PTPRG: variants seen among roughly 807,000 people sequenced by gnomAD.
PTPRG encodes the protein protein tyrosine phosphatase receptor type G.
Under a neutral mutation model 165.3 loss-of-function variants are expected in PTPRG, and 102 were observed. The ratio of observed to expected loss-of-function variants is 0.62; its 90% CI spans 0.53 to 0.73. The LOEUF (loss-of-function observed/expected upper bound fraction) is 0.73, where lower values mean the gene tolerates loss of function less well. Among genes scored for constraint, PTPRG ranks in the 30% least tolerant of loss-of-function variants. PTPRG has a pLI of 0.00. For missense variants in PTPRG, 1,866 were observed against 1,861.4 expected (o/e 1.00, Z -0.05); for synonymous variants, 675 against 669.5 (o/e 1.01, Z -0.13).
chr3:61,763,194 A>G (rs1319002862), intron 2 of PTPRG, among the ~76,000 whole-genome samples: 1 of 151,974 alleles, frequency 6.6e-6, no homozygotes, highest in African/African-American at 2.4e-5. Context: ...TCCTGGAAAT[A>G]TAGCCCGTGT....
chr3:61,562,336 A>G lies in PTPRG; in HGVS notation c.49A>G (p.Thr17Ala), dbSNP rs140017853. The change falls in exon 1 of 30, where the codon ACC (threonine) becomes GCC (alanine). Residue 17 changes from threonine to alanine, a missense_variant. Thr to Ala is a moderately conservative substitution (Grantham distance 58). Around this residue, in one of 3 missense-constraint regions of PTPRG, gnomAD observed 408 missense variants for 376.2 expected, o/e 1.08. Coordinates refer to ENST00000474889, the MANE Select transcript of PTPRG (RefSeq NM_002841.4). ...TTGGTGGATTTTGTTCCTGAAAATC[A>G]CCAGTTCCGTGCTCCATTATGTCGT... ...PCWWILFLKI[T>A]SSVLHYVVCF... 31 of 1,613,552 alleles carry G rather than the reference A, an allele frequency of 1.9e-5. No individual in the cohort carries two copies. The African/African-American group carries it at 3.3e-4, about 17-fold the overall frequency.
chr3:62,249,811 A>G (rs79678266), intron 15 of PTPRG, among the ~76,000 whole-genome samples: 2 of 152,222 alleles, frequency 1.3e-5, no homozygotes, highest in South Asian at 4.1e-4. Flanking sequence ...TATCATTTCA[A>G]TCCTTTTTGC....
chr3:61,956,740 A>G (rs748091666), intron 2 of PTPRG, among the ~76,000 whole-genome samples: 7 of 152,224 alleles, frequency 4.6e-5, no homozygotes, highest in South Asian at 2.1e-4. Context: ...CCTGCTGGCA[A>G]TGATCAAGTA....
At chr3:61,639,160 A>G (rs941029576) in intron 1 of PTPRG, among the ~76,000 whole-genome samples, 7 of 152,196 alleles carry the variant, frequency 4.6e-5, no homozygotes, top group African/African-American at 1.7e-4. Context: ...TTAATTGAAT[A>G]GATAATCCTT....
chr3:61,941,530 G>T (rs1255995116), intron 2 of PTPRG, among the ~76,000 whole-genome samples: 1 of 152,204 alleles, frequency 6.6e-6, no homozygotes, highest in East Asian at 1.9e-4. Context: ...GGCTGAGGCA[G>T]GGGAATCTCT....
At chr3:61,584,426 G>C (rs1260870807) in intron 1 of PTPRG, among the ~76,000 whole-genome samples, 1 of 152,044 alleles carries the variant, frequency 6.6e-6, no homozygotes, top group Non-Finnish European at 1.5e-5. Context: ...CTCTCTTATC[G>C]TATCTTGTCC....
chr3:62,087,212 C>A (rs1231148219), intron 5 of PTPRG, among the ~76,000 whole-genome samples: 2 of 152,134 alleles, frequency 1.3e-5, no homozygotes, highest in East Asian at 1.9e-4. Context: ...AAGTGATTGA[C>A]CGTGGTCCCC....
At chr3:62,090,752 T>G (rs1199307971) in intron 5 of PTPRG, among the ~76,000 whole-genome samples, 1 of 152,226 alleles carries the variant, frequency 6.6e-6, no homozygotes, top group Non-Finnish European at 1.5e-5. Context: ...TCCCATTTCA[T>G]GCTCATAACA....
rs1235321632 is a variant in PTPRG, at chr3:62,157,058, C to G, written c.683-9C>G. On this transcript the variant is annotated splice_polypyrimidine_tract_variant and intron_variant, in intron 6 of 29. Transcript: ENST00000474889. ...ATTGTGCTTTTCTTTTCCCTTTTTCCCCAAACAGAGAAGGAGACCTTTCTG... is the reference window on the plus strand; with the variant it reads ...ATTGTGCTTTTCTTTTCCCTTTTTCGCCAAACAGAGAAGGAGACCTTTCTG... 6.3e-7 allele frequency: 1 copy of G among 1,592,596 alleles called. No homozygotes were observed. Among genetic ancestry groups the G allele is most frequent in the Non-Finnish European group, 8.6e-7 (1 of 1,160,980 alleles).
chr3:62,026,595 A>T (rs1272465179), intron 4 of PTPRG, among the ~76,000 whole-genome samples: 1 of 152,134 alleles, frequency 6.6e-6, no homozygotes, highest in African/African-American at 2.4e-5. Context: ...CCTTAAAAGC[A>T]TGTATTAGAG....
intron 2 of PTPRG, among the ~76,000 whole-genome samples, chr3:61,917,952 TAAATAAAAG>T (rs1479287588): frequency 2.7e-5 from 4 of 150,752 alleles, no homozygotes; most frequent in Non-Finnish European, 4.4e-5. Flanking sequence ...AACAAATAAA[TAAATAAAAG>T]AAGAAGAAGA....
chr3:62,265,896 T>TACACACACACACACACACACACAC (rs143246257), intron 17 of PTPRG, among the ~76,000 whole-genome samples: 6,540 of 130,316 alleles, frequency 0.05, 262 homozygotes, highest in South Asian at 0.068. Context: ...GTGCCTTATA[T>TACACACACACACACACACACACAC]ACACACACAC....
intron 1 of PTPRG, among the ~76,000 whole-genome samples, chr3:61,621,910 C>T (rs554592024): frequency 2.6e-5 from 4 of 152,288 alleles, no homozygotes; most frequent in African/African-American, 7.2e-5. Flanking sequence ...AAATAGCCAG[C>T]ACATGGTCTG....
intron 2 of PTPRG, among the ~76,000 whole-genome samples, chr3:61,777,547 G>A (rs2034424065): frequency 6.6e-6 from 1 of 152,152 alleles, no homozygotes; most frequent in African/African-American, 2.4e-5. Context: ...AGATCAACAG[G>A]ATCCTATCAT....
intron 2 of PTPRG, among the ~76,000 whole-genome samples, chr3:61,812,445 T>C (rs2035613675): frequency 6.6e-6 from 1 of 152,238 alleles, no homozygotes; most frequent in Non-Finnish European, 1.5e-5. Context: ...TACATTTTTG[T>C]GGTGTAATGA....
intron 1 of PTPRG, among the ~76,000 whole-genome samples, 154 bp downstream of exon 1, chr3:61,562,526 G>A (rs1212508201): frequency 2.0e-5 from 3 of 151,888 alleles, no homozygotes; most frequent in Non-Finnish European, 4.4e-5. Context: ...GGATTGCTCC[G>A]CTGGCTTGGA....
intron 4 of PTPRG, among the ~76,000 whole-genome samples, chr3:62,015,038 AC>A (rs1197042946): frequency 6.6e-6 from 1 of 152,084 alleles, no homozygotes; most frequent in Non-Finnish European, 1.5e-5. Flanking sequence ...CAGTAGGGAA[AC>A]CCCAAATAGT....
chr3:62,124,207 G>T, intron 5 of PTPRG: 1 of 918,362 alleles, frequency 1.1e-6, no homozygotes, highest in Non-Finnish European at 1.8e-6. Context: ...TGATTATTCA[G>T]CCACACAGTG....
In PTPRG at chr3:61,714,286, C is replaced by T. The variant is rs2031707228; in HGVS notation, c.86-34592C>T. On this transcript the variant is annotated intron_variant, in intron 1 of 29. Transcript: ENST00000474889. ...GAAGCCCTGTTTTTCTAGGTGGGCC[C>T]ATAGCTGCGAGGAATAAAGACCAGC... Among the ~76,000 whole-genome samples, 3 of 152,152 alleles carry T rather than the reference C, an allele frequency of 2.0e-5. No homozygotes were observed. The South Asian group carries it at 6.2e-4, about 32-fold the overall frequency.
Sources: allele counts gnomAD v4.1 joint callset (sites outside exome capture counted in the v4.1 genomes callset), GRCh38; gene constraint gnomAD v4.1.1; regional missense constraint gnomAD v4.1.1; transcripts MANE v1.5; gene names NCBI Gene and HGNC (gene_info 2026-07-23, HGNC 2026-07-21).